The following UBASH3B variants were observed in gnomAD, a reference collection of about 807,000 sequenced individuals.
UBASH3B encodes ubiquitin associated and SH3 domain containing B.
UBASH3B carries 37 observed loss-of-function variants against 83.4 expected under a neutral mutation model. That is an observed-to-expected ratio of 0.44 (90% CI 0.34 to 0.58). UBASH3B has a LOEUF of 0.58. Among genes scored for constraint, UBASH3B ranks in the 20% least tolerant of loss-of-function variants. UBASH3B has a pLI of 0.01. For synonymous variants in UBASH3B, 304 were observed against 318.3 expected (o/e 0.96, Z 0.48); for missense variants, 657 against 827.2 (o/e 0.79, Z 2.52).
At chr11:122,705,125 A>G (rs1864098247) in intron 1 of UBASH3B, among the ~76,000 whole-genome samples, 1 of 152,216 alleles carries the variant, frequency 6.6e-6, no homozygotes, top group Non-Finnish European at 1.5e-5. Flanking sequence ...CGGACTCATG[A>G]GTCCCAGAGC....
Position 122,732,436 on chromosome 11 carries a change from A to G in UBASH3B, c.162-43783A>G, listed in dbSNP as rs578207127. 1.6e-3 allele frequency among the ~76,000 whole-genome samples: 237 copies of G among 152,236 alleles called. 6 individuals carry two copies. The South Asian group carries it at 0.037, about 24-fold the overall frequency. ...ATTTATTATTTGTAAACATTTAGAC[A>G]TTGGTGTATGTGGGCCTCTCTTTAT... On this transcript the variant is annotated intron_variant, in intron 1 of 13. Transcript: ENST00000284273.
chr11:122,698,679 G>C (rs1295383968), intron 1 of UBASH3B, among the ~76,000 whole-genome samples: 1 of 152,018 alleles, frequency 6.6e-6, no homozygotes, highest in Non-Finnish European at 1.5e-5. Flanking sequence ...AGAACCTAAA[G>C]CTAGTTCCCT....
At chr11:122,779,814 G>A in intron 4 of UBASH3B, 119 bp downstream of exon 4, 2 of 1,211,580 alleles carry the variant, frequency 1.7e-6, no homozygotes, top group South Asian at 2.8e-5. Flanking sequence ...GGACCCTGCA[G>A]GAATGGACGT....
At chr11:122,747,242 T>A (rs1861132882) in intron 1 of UBASH3B, among the ~76,000 whole-genome samples, 1 of 151,882 alleles carries the variant, frequency 6.6e-6, no homozygotes, top group Non-Finnish European at 1.5e-5. Context: ...AATTGGAGAA[T>A]GAAAGGGAGA....
chr11:122,799,267 G>A (rs1291325779), intron 10 of UBASH3B, among the ~76,000 whole-genome samples: 3 of 152,142 alleles, frequency 2.0e-5, no homozygotes, highest in African/African-American at 7.2e-5. Context: ...GAGGCAGGCA[G>A]ATCACCTGAG....
chr11:122,664,746 C>T (rs1486004252), intron 1 of UBASH3B, among the ~76,000 whole-genome samples: 2 of 152,240 alleles, frequency 1.3e-5, no homozygotes, highest in East Asian at 1.9e-4. Context: ...CCTAGATGAA[C>T]ATCCAGAAAC....
intron 1 of UBASH3B, among the ~76,000 whole-genome samples, chr11:122,771,247 T>C (rs1293141120): frequency 2.4e-5 from 3 of 125,282 alleles, no homozygotes; most frequent in East Asian, 4.4e-4. Flanking sequence ...TTTTTTTTTT[T>C]CTGAGATGGA....
rs183668028 is a variant in UBASH3B, at chr11:122,797,076, C to T, written c.1357+43C>T. ...ACTGCACTCCAGGCATTTCTTGCCT[C>T]CTCCTTCAAAACACTGGTACCATGG... On this transcript the variant is annotated intron_variant, in intron 9 of 13. Transcript: ENST00000284273. 9.4e-4 allele frequency: 1,456 copies of T among 1,543,640 alleles called. 2 individuals are homozygous for T. The highest frequency in any genetic ancestry group is 1.1e-3 in the Non-Finnish European group (1,283 of 1,147,668).
At chr11:122,791,944 C>T (rs554930469) in intron 6 of UBASH3B, among the ~76,000 whole-genome samples, 1 of 152,288 alleles carries the variant, frequency 6.6e-6, no homozygotes, top group East Asian at 1.9e-4. Flanking sequence ...TTAGCACAGG[C>T]CTGGTGTGTT....
At chr11:122,688,982 G>GT (rs1200050041) in intron 1 of UBASH3B, among the ~76,000 whole-genome samples, 22 of 14,516 alleles carry the variant, frequency 1.5e-3, no homozygotes, top group Middle Eastern at 0.071. Flanking sequence ...GGGAGGCGGG[G>GT]GGGGGGGGGG....
At chr11:122,721,162 T>C (rs538652484) in intron 1 of UBASH3B, among the ~76,000 whole-genome samples, 2 of 150,210 alleles carry the variant, frequency 1.3e-5, no homozygotes, top group East Asian at 4.0e-4. Flanking sequence ...GGAGAATCGC[T>C]TGAACCCGGT....
intron 1 of UBASH3B, among the ~76,000 whole-genome samples, chr11:122,721,169 C>T (rs917462274): frequency 6.1e-5 from 9 of 148,120 alleles, no homozygotes; most frequent in South Asian, 2.1e-4. Context: ...CGCTTGAACC[C>T]GGTGGTGGAG....
rs57037838 is a variant in UBASH3B, at chr11:122,688,648, T to TA, written c.161+32438_161+32439insA. Among the ~76,000 whole-genome samples, 113 of 141,026 alleles carry TA rather than the reference T, an allele frequency of 8.0e-4. 2 individuals carry two copies. Among genetic ancestry groups the TA allele is most frequent in the African/African-American group, 2.8e-3 (101 of 35,676 alleles). The allele number at this position is 141,026 out of a possible 152,430, so 92.5% of individuals were successfully genotyped here. On this transcript the variant is annotated intron_variant, in intron 1 of 13. Coordinates refer to ENST00000284273, the MANE Select transcript of UBASH3B (RefSeq NM_032873.5). ...TTCTTTTATTTTATTTTATTTTATT[T>TA]TATTTTATTTTTTTGAGACGGAGGC...
chr11:122,804,461 T>C (rs1160242001), intron 11 of UBASH3B, among the ~76,000 whole-genome samples: 1 of 152,164 alleles, frequency 6.6e-6, no homozygotes, highest in African/African-American at 2.4e-5. Flanking sequence ...GCAAGGGCAC[T>C]GTCAGAAGCT....
intron 1 of UBASH3B, among the ~76,000 whole-genome samples, chr11:122,767,726 G>A (rs1860575180): frequency 6.6e-6 from 1 of 152,174 alleles, no homozygotes; most frequent in Non-Finnish European, 1.5e-5. Context: ...GACTAAGAAG[G>A]AGATTTTCAA....
At chr11:122,764,583 C>A (rs971709256) in intron 1 of UBASH3B, among the ~76,000 whole-genome samples, 1 of 152,248 alleles carries the variant, frequency 6.6e-6, no homozygotes, top group African/African-American at 2.4e-5. Flanking sequence ...TCCCCCAAGG[C>A]TTCCCAACAC....
At chr11:122,714,725 G>A (rs1860479808) in intron 1 of UBASH3B, among the ~76,000 whole-genome samples, 1 of 152,222 alleles carries the variant, frequency 6.6e-6, no homozygotes, top group Admixed American at 6.5e-5. Flanking sequence ...TCTTCGCACA[G>A]AGTGAAGCAA....
chr11:122,719,818 G>A (rs1026459108), intron 1 of UBASH3B, among the ~76,000 whole-genome samples: 1 of 152,138 alleles, frequency 6.6e-6, no homozygotes. Context: ...GGCCACAGTA[G>A]TGCCATATAT....
In UBASH3B at chr11:122,789,193, A is replaced by G; in HGVS notation, c.865A>G (p.Thr289Ala). 1 of 1,614,198 alleles carries G rather than the reference A, an allele frequency of 6.2e-7. No homozygotes were observed. Among genetic ancestry groups the G allele is most frequent in the Non-Finnish European group, 8.5e-7 (1 of 1,180,048 alleles). Residue 289 changes from threonine (T) to alanine (A), a missense_variant, in exon 6 of 14, where the codon ACC (threonine) becomes GCC (alanine). Coordinates refer to ENST00000284273, the MANE Select transcript of UBASH3B (RefSeq NM_032873.5). ...DFIFMSPMEQ[T>A]STSEGWIYGT... Reference sequence around the variant, plus strand: ...CATCTTCATGTCTCCAATGGAGCAGACCAGCACCAGCGAGGGTTGGATCTA... The same window carrying G: ...CATCTTCATGTCTCCAATGGAGCAGGCCAGCACCAGCGAGGGTTGGATCTA...
Sources: gnomAD v4.1 joint callset for allele counts (sites outside exome capture counted in the v4.1 genomes callset) on GRCh38, gnomAD v4.1.1 for gene constraint, MANE v1.5 for transcripts, NCBI Gene and HGNC (gene_info 2026-07-23, HGNC 2026-07-21) for gene names.